Variants in DPYD observed in about 807,000 individuals in gnomAD.
DPYD encodes the protein dihydropyrimidine dehydrogenase, also known as dihydropyrimidine dehydrogenase [NADP(+)].
In DPYD, 109 loss-of-function variants were observed where a neutral mutation model predicts 116.2. The observed-to-expected ratio is 0.94, with a 90% CI of 0.80 to 1.10. DPYD has a LOEUF of 1.10. Among genes scored for constraint, DPYD ranks in the 50% least tolerant of loss-of-function variants. The probability of loss-of-function intolerance (pLI) is 0.00; values close to 1 mark genes in which losing one functional copy is unlikely to be tolerated. For missense variants in DPYD, 1,302 were observed against 1,254.5 expected (o/e 1.04, Z -0.57); for synonymous variants, 440 against 432.0 (o/e 1.02, Z -0.23).
chr1:97,918,527 T>A (rs985424657), intron 1 of DPYD, among the ~76,000 whole-genome samples: 1 of 152,210 alleles, frequency 6.6e-6, no homozygotes, highest in Non-Finnish European at 1.5e-5. Context: ...ATATTCCAGC[T>A]ATGGAGTTTG....
intron 10 of DPYD, among the ~76,000 whole-genome samples, chr1:97,592,647 G>A (rs1275621518): frequency 5.3e-5 from 8 of 152,194 alleles, no homozygotes; most frequent in Admixed American, 2.0e-4. Flanking sequence ...GATTACAGGC[G>A]TGAGCCACCG....
intron 13 of DPYD, among the ~76,000 whole-genome samples, chr1:97,501,781 A>G (rs967341127): frequency 1.3e-5 from 2 of 152,038 alleles, no homozygotes; most frequent in African/African-American, 4.8e-5. Flanking sequence ...GGGGTAGGGA[A>G]GCGTTTTTTA....
intron 14 of DPYD, among the ~76,000 whole-genome samples, chr1:97,392,980 C>A (rs1385985348): frequency 6.6e-6 from 1 of 151,992 alleles, no homozygotes; most frequent in Non-Finnish European, 1.5e-5. Context: ...GATATTCTAT[C>A]CAGACCACTA....
chr1:97,816,034 A>T (rs930843052), intron 3 of DPYD, among the ~76,000 whole-genome samples: 14 of 152,026 alleles, frequency 9.2e-5, no homozygotes, highest in Non-Finnish European at 2.9e-5. Context: ...TCAATAAAAC[A>T]CCAAGAACAT....
intron 3 of DPYD, chr1:97,775,085 C>T (rs1293730706): frequency 6.1e-6 from 1 of 164,302 alleles, no homozygotes; most frequent in Non-Finnish European, 1.4e-5. Context: ...TTATTATCTA[C>T]TATTTTAAAA....
Position 97,316,237 on chromosome 1 carries a change from C to A in DPYD, c.2059-9940G>T, listed in dbSNP as rs1344298139. Among the ~76,000 whole-genome samples the A allele has an allele frequency of 2.6e-5, 4 of 151,788 alleles. No homozygotes were observed. In the East Asian group the frequency reaches 7.8e-4, roughly 30 times the overall value. Reference sequence around the variant, plus strand: ...GGGCACATTGGCTCATGCCTGTAATCCCAGCACTTTGGAAGACTGAGGAGG... The same window carrying A: ...GGGCACATTGGCTCATGCCTGTAATACCAGCACTTTGGAAGACTGAGGAGG... On this transcript the variant is annotated intron_variant, in intron 16 of 22. Coordinates refer to ENST00000370192, the MANE Select transcript of DPYD (RefSeq NM_000110.4).
At chr1:97,441,276 T>C (rs1435605575) in intron 14 of DPYD, among the ~76,000 whole-genome samples, 1 of 152,116 alleles carries the variant, frequency 6.6e-6, no homozygotes, top group Non-Finnish European at 1.5e-5. Flanking sequence ...CTTTGCACTA[T>C]TATTTCTTGA....
At chr1:97,449,800 TTTCTC>T (rs2101790180) in intron 14 of DPYD, among the ~76,000 whole-genome samples, 1 of 152,300 alleles carries the variant, frequency 6.6e-6, no homozygotes, top group East Asian at 1.9e-4. Context: ...GAGTATTTCA[TTTCTC>T]TTCCTTCTGC....
chr1:97,705,177 A>T (rs1661855597), intron 5 of DPYD, among the ~76,000 whole-genome samples: 1 of 151,774 alleles, frequency 6.6e-6, no homozygotes, highest in Admixed American at 6.6e-5. Flanking sequence ...ACATGTGCAC[A>T]ACGTGCAGGT....
chr1:97,304,979 G>A (rs1667071470), intron 18 of DPYD, among the ~76,000 whole-genome samples: 1 of 151,800 alleles, frequency 6.6e-6, no homozygotes, highest in Non-Finnish European at 1.5e-5. Context: ...ACCCTTACTA[G>A]TAAGTGGCAA....
intron 14 of DPYD, among the ~76,000 whole-genome samples, chr1:97,413,110 A>C (rs1557695318): frequency 6.6e-6 from 1 of 152,216 alleles, no homozygotes; most frequent in Non-Finnish European, 1.5e-5. Context: ...CCATATTTGG[A>C]ACAAAAAGTA....
intron 8 of DPYD, among the ~76,000 whole-genome samples, chr1:97,597,799 T>G (rs1654984123): frequency 6.6e-6 from 1 of 152,084 alleles, no homozygotes; most frequent in South Asian, 2.1e-4. Flanking sequence ...CTCCCACAAT[T>G]AAATAGCCCA....
intron 14 of DPYD, among the ~76,000 whole-genome samples, chr1:97,432,627 G>T (rs1675247156): frequency 6.6e-6 from 1 of 151,840 alleles, no homozygotes; most frequent in South Asian, 2.1e-4. Context: ...TTGATCTTGG[G>T]CCACACTTTT....
chr1:97,730,334 G>A (rs937414173), intron 4 of DPYD, among the ~76,000 whole-genome samples: 1 of 152,088 alleles, frequency 6.6e-6, no homozygotes, highest in Non-Finnish European at 1.5e-5. Context: ...CAATTCTGCT[G>A]CCTCAGTCTC....
At chr1:97,515,662 T>C in intron 13 of DPYD, 64 bp downstream of exon 13, 1 of 1,429,214 alleles carries the variant, frequency 7.0e-7, no homozygotes, top group South Asian at 1.2e-5. Flanking sequence ...TCCATTATAA[T>C]GTTTATACCT....
At chr1:97,300,833 C>T (rs1250429095) in intron 18 of DPYD, among the ~76,000 whole-genome samples, 6 of 151,990 alleles carry the variant, frequency 3.9e-5, no homozygotes, top group East Asian at 3.9e-4. Context: ...GATGTGAAGT[C>T]GATGCCTAAA....
At chr1:97,709,584 A>C (rs1223022431) in intron 5 of DPYD, among the ~76,000 whole-genome samples, 3 of 151,748 alleles carry the variant, frequency 2.0e-5, no homozygotes, top group Non-Finnish European at 4.4e-5. Context: ...CATAATTTTC[A>C]CATTACTTTG....
intron 8 of DPYD, among the ~76,000 whole-genome samples, chr1:97,642,961 A>G (rs1161253105): frequency 6.6e-6 from 1 of 151,984 alleles, no homozygotes; most frequent in Non-Finnish European, 1.5e-5. Flanking sequence ...ACCGAAATAT[A>G]AAATCTAAAA....
intron 20 of DPYD, among the ~76,000 whole-genome samples, chr1:97,169,499 GA>G (rs1656565255): frequency 7.7e-6 from 1 of 130,512 alleles, no homozygotes; most frequent in Admixed American, 8.6e-5. Flanking sequence ...TAATTGATTA[GA>G]TTTTTTTGAT....
Sources: allele counts gnomAD v4.1 joint callset (sites outside exome capture counted in the v4.1 genomes callset), GRCh38; gene constraint gnomAD v4.1.1; transcripts MANE v1.5; gene names NCBI Gene and HGNC (gene_info 2026-07-23, HGNC 2026-07-21).